The following WWOX variants were observed in gnomAD, a reference collection of about 807,000 sequenced individuals.
The protein encoded by WWOX is WW domain containing oxidoreductase.
WWOX carries 69 observed loss-of-function variants against 46.2 expected under a neutral mutation model. The observed-to-expected ratio is 1.49, with a 90% CI of 1.23 to 1.82. The LOEUF is 1.82. WWOX is among the 40% of genes most tolerant of loss of function. The pLI, the probability that WWOX is intolerant of heterozygous loss-of-function variation, is 0.00. For synonymous variants in WWOX, 359 were observed against 202.6 expected, an observed-to-expected ratio of 1.77 and a Z score of -6.56; for missense variants, 919 against 542.6, an observed-to-expected ratio of 1.69 and a Z score of -6.89.
At chr16:79,095,465 G>C (rs928862969) in intron 8 of WWOX, among the ~76,000 whole-genome samples, 2 of 152,176 alleles carry the variant, frequency 1.3e-5, no homozygotes, top group Admixed American at 1.3e-4. Flanking sequence ...AAGAGGTGGG[G>C]GCAGCAGGAT....
At chr16:78,515,837 T>G (rs1020440266) in intron 8 of WWOX, among the ~76,000 whole-genome samples, 2 of 152,136 alleles carry the variant, frequency 1.3e-5, no homozygotes, top group Non-Finnish European at 2.9e-5. Flanking sequence ...AAAAAAGCAA[T>G]AACATTCTCC....
chr16:78,594,981 C>T (rs927340902), intron 8 of WWOX, among the ~76,000 whole-genome samples: 24 of 152,178 alleles, frequency 1.6e-4, no homozygotes, highest in African/African-American at 5.8e-4. Flanking sequence ...CCTATCCTTA[C>T]TGTTGAAGAC....
chr16:78,843,044 A>C (rs2052203193), intron 8 of WWOX, among the ~76,000 whole-genome samples: 1 of 149,962 alleles, frequency 6.7e-6, no homozygotes, highest in Admixed American at 6.7e-5. Flanking sequence ...AGTGCTGCAA[A>C]CATTGCACTA....
At chr16:78,654,732 AT>A (rs200277115) in intron 8 of WWOX, among the ~76,000 whole-genome samples, 1 of 151,854 alleles carries the variant, frequency 6.6e-6, no homozygotes, top group Non-Finnish European at 1.5e-5. Context: ...GGGCCTGTGA[AT>A]TTTTTTAACC....
intron 8 of WWOX, among the ~76,000 whole-genome samples, chr16:78,905,803 C>T (rs990963681): frequency 1.3e-5 from 2 of 152,118 alleles, no homozygotes; most frequent in East Asian, 1.9e-4. Context: ...TTCTTAGAAC[C>T]ATGAGCTAAG....
intron 8 of WWOX, among the ~76,000 whole-genome samples, chr16:78,548,342 G>A (rs1389472231): frequency 7.4e-5 from 11 of 149,442 alleles, no homozygotes; most frequent in Non-Finnish European, 8.9e-5. Flanking sequence ...TGTTCCTAAA[G>A]AAAAAAAAAA....
rs745676973 is a variant in WWOX, at chr16:78,427,610, G to A, written c.791+2555G>A. On this transcript the variant is annotated intron_variant, in intron 7 of 8. Coordinates refer to ENST00000566780, the MANE Select transcript of WWOX (RefSeq NM_016373.4). ...AATCCAGCCTAATTATTTTAGGCGG[G>A]AATTTTAAAAATCCTCAATAAAATT... 3.3e-5 allele frequency among the ~76,000 whole-genome samples: 5 copies of A among 151,916 alleles called. No individual in the cohort carries two copies. The South Asian group carries it at 6.2e-4, about 19-fold the overall frequency.
chr16:78,302,077 C>T (rs1440802209), intron 5 of WWOX, among the ~76,000 whole-genome samples: 1 of 151,944 alleles, frequency 6.6e-6, no homozygotes, highest in African/African-American at 2.4e-5. Flanking sequence ...TCTCCTGCCT[C>T]AGCCTCTCTA....
chr16:79,202,380 G>A (rs573184507), intron 8 of WWOX, among the ~76,000 whole-genome samples: 1 of 152,130 alleles, frequency 6.6e-6, no homozygotes, highest in African/African-American at 2.4e-5. Context: ...CACGGTAAAG[G>A]AACAACAAAT....
At chr16:78,457,328 G>C (rs931667694) in intron 8 of WWOX, among the ~76,000 whole-genome samples, 36 of 152,190 alleles carry the variant, frequency 2.4e-4, no homozygotes, top group African/African-American at 8.2e-4. Flanking sequence ...ATTCAGTTCA[G>C]ATTTGCTACT....
intron 4 of WWOX, among the ~76,000 whole-genome samples, chr16:78,127,088 C>G (rs1222432006): frequency 3.9e-5 from 6 of 152,108 alleles, no homozygotes; most frequent in Non-Finnish European, 8.8e-5. Context: ...CAGACGTGAC[C>G]TAGTTTTGAA....
intron 8 of WWOX, among the ~76,000 whole-genome samples, chr16:78,533,834 A>T (rs576480085): frequency 2.0e-5 from 3 of 152,268 alleles, no homozygotes; most frequent in African/African-American, 7.2e-5. Context: ...CCCTCAGCAT[A>T]CTTGCTCATT....
intron 8 of WWOX, among the ~76,000 whole-genome samples, chr16:78,707,651 G>C (rs1455383891): frequency 6.6e-6 from 1 of 152,042 alleles, no homozygotes; most frequent in Non-Finnish European, 1.5e-5. Flanking sequence ...GGGAGACTAA[G>C]GCGGGTGGAT....
chr16:78,953,788 A>G (rs2046110720), intron 8 of WWOX, among the ~76,000 whole-genome samples: 1 of 152,248 alleles, frequency 6.6e-6, no homozygotes, highest in Non-Finnish European at 1.5e-5. Flanking sequence ...GTCTCAGCTC[A>G]GATTCTACCT....
intron 8 of WWOX, among the ~76,000 whole-genome samples, chr16:78,554,887 A>G (rs965378724): frequency 6.6e-6 from 1 of 152,168 alleles, no homozygotes; most frequent in African/African-American, 2.4e-5. Context: ...GAGACAATCC[A>G]TTCCTTTCAC....
chr16:78,957,748 C>T (rs1429354188), intron 8 of WWOX, among the ~76,000 whole-genome samples: 10 of 152,172 alleles, frequency 6.6e-5, no homozygotes, highest in Non-Finnish European at 1.2e-4. Context: ...TGGCAAACAC[C>T]ATAGGAACGG....
At chr16:78,801,467 T>C (rs1349704720) in intron 8 of WWOX, among the ~76,000 whole-genome samples, 2 of 152,148 alleles carry the variant, frequency 1.3e-5, no homozygotes, top group Non-Finnish European at 2.9e-5. Context: ...TGATATCATG[T>C]CACCGCACTC....
intron 8 of WWOX, among the ~76,000 whole-genome samples, chr16:78,871,292 A>C (rs2044123655): frequency 6.6e-6 from 1 of 151,868 alleles, no homozygotes; most frequent in South Asian, 2.1e-4. Flanking sequence ...ACCTGTATGC[A>C]CTGCTGAACC....
At chr16:79,059,943 A>T (rs888046329) in intron 8 of WWOX, among the ~76,000 whole-genome samples, 8 of 152,178 alleles carry the variant, frequency 5.3e-5, no homozygotes, top group Admixed American at 5.2e-4. Context: ...CTTTTGGTAC[A>T]CTGAGAGGTC....
Sources: allele counts gnomAD v4.1 joint callset (sites outside exome capture counted in the v4.1 genomes callset), GRCh38; gene constraint gnomAD v4.1.1; transcripts MANE v1.5; gene names NCBI Gene and HGNC (gene_info 2026-07-23, HGNC 2026-07-21).